RELN: variants seen among roughly 807,000 people sequenced by gnomAD.
The protein encoded by RELN is reelin.
A neutral mutation model predicts 427.6 loss-of-function variants in RELN; 108 were observed. That is an observed-to-expected ratio of 0.25 (90% CI 0.22 to 0.30). The LOEUF (loss-of-function observed/expected upper bound fraction) is 0.30. RELN is among the 10% of genes least tolerant of loss of function. RELN has a pLI of 1.00. For synonymous variants in RELN, 1,524 were observed against 1,513.4 expected (o/e 1.01, Z -0.16); for missense variants, 3,715 against 4,302.8 (o/e 0.86, Z 3.82).
intron 47 of RELN, 134 bp downstream of exon 47, chr7:103,523,257 C>T: frequency 2.0e-6 from 2 of 993,028 alleles, no homozygotes; most frequent in Non-Finnish European, 1.6e-6. Context: ...ACAGTTAGCT[C>T]AAGATCATAT....
chr7:103,954,398 G>C (rs555263359), intron 1 of RELN, among the ~76,000 whole-genome samples: 1 of 152,186 alleles, frequency 6.6e-6, no homozygotes. Context: ...AATGGCATGA[G>C]TTTGTGAGGG....
At chr7:103,817,937 CAAA>C (rs71154371) in intron 3 of RELN, among the ~76,000 whole-genome samples, 1 of 36,016 alleles carries the variant, frequency 2.8e-5, no homozygotes, top group Non-Finnish European at 4.4e-5. Context: ...GACTCCATCT[CAAA>C]AAAAAAAAAA....
At chr7:103,827,382 C>T (rs1793169756) in intron 3 of RELN, among the ~76,000 whole-genome samples, 1 of 151,882 alleles carries the variant, frequency 6.6e-6, no homozygotes, top group Non-Finnish European at 1.5e-5. Flanking sequence ...AATAGTTTTG[C>T]CCATTGAATG....
At chr7:103,776,733 T>C in intron 3 of RELN, 106 bp from the exon 4 acceptor site, 1 of 1,152,518 alleles carries the variant, frequency 8.7e-7, no homozygotes, top group South Asian at 1.3e-5. Context: ...ATTGTGTGGA[T>C]ATGATATTTT....
intron 22 of RELN, among the ~76,000 whole-genome samples, chr7:103,608,008 A>G (rs1831858220): frequency 6.6e-6 from 1 of 152,190 alleles, no homozygotes; most frequent in Non-Finnish European, 1.5e-5. Flanking sequence ...TATCTAGCAC[A>G]TTTCCCAAAG....
intron 15 of RELN, among the ~76,000 whole-genome samples, chr7:103,650,716 C>A (rs1037729222): frequency 1.3e-5 from 2 of 152,206 alleles, no homozygotes; most frequent in African/African-American, 4.8e-5. Flanking sequence ...GCCTCAAAAT[C>A]CTGGGCTCAA....
At chr7:103,491,264 T>C (rs369134212) in intron 58 of RELN, among the ~76,000 whole-genome samples, 13 of 152,376 alleles carry the variant, frequency 8.5e-5, no homozygotes, top group African/African-American at 3.1e-4. Context: ...GAGGTGACTC[T>C]GGCTGATGCA....
At chr7:103,928,605 G>A (rs753911252) in intron 1 of RELN, among the ~76,000 whole-genome samples, 4 of 152,174 alleles carry the variant, frequency 2.6e-5, no homozygotes, top group Non-Finnish European at 5.9e-5. Flanking sequence ...GAATTGAATT[G>A]AGGCTACATT....
Position 103,650,351 on chromosome 7 carries a change from G to C in RELN, c.1925C>G (p.Ala642Gly), listed in dbSNP as rs760277751. The change falls in exon 16 of 65, where the codon GCA becomes GGA. Residue 642 changes from alanine (A) to glycine (G), a missense_variant. This residue lies in a region of RELN where 2,208 missense variants were observed against 2,361.7 expected (regional missense o/e 0.93). Coordinates refer to ENST00000428762, the MANE Select transcript of RELN (RefSeq NM_005045.4). The stretch of plus-strand genomic sequence containing the variant: ...AATCCTGGTGTTCCGGGTTAGTGCT[G>C]CGTTAGGAAGGGGAATTGTTATTCG... ...WNRITIPLPN[A>G]ALTRNTRIRW... The C allele has an allele frequency of 1.2e-6, 2 of 1,612,730 alleles. No homozygotes were observed. The highest frequency in any genetic ancestry group is 1.1e-5 in the South Asian group (1 of 91,072).
At chr7:103,688,334 C>A (rs776006461) in intron 10 of RELN, among the ~76,000 whole-genome samples, 2 of 152,046 alleles carry the variant, frequency 1.3e-5, no homozygotes, top group Non-Finnish European at 2.9e-5. Flanking sequence ...TAATGCAAAG[C>A]ACATTTCTGA....
Position 103,954,082 on chromosome 7 carries a change from T to C in RELN, c.226+35049A>G, listed in dbSNP as rs559303785. ...CTGGCCAACAGAGCAAAACCCTGTCTCTACTAAAAATAAAATTAAAAAAAA... is the reference window on the plus strand; with the variant it reads ...CTGGCCAACAGAGCAAAACCCTGTCCCTACTAAAAATAAAATTAAAAAAAA... On this transcript the variant is annotated intron_variant, in intron 1 of 64. Transcript: ENST00000428762. Among the ~76,000 whole-genome samples the C allele has an allele frequency of 1.5e-4, 23 of 151,588 alleles. No individual in the cohort carries two copies. The East Asian group carries it at 4.5e-3, about 30-fold the overall frequency.
rs147530905 is a variant in RELN, at chr7:103,574,751, G to A, written c.4304-452C>T. ...ACAACATATGTTTGTCTTTGGTCAC[G>A]TGCCAGATGAAGGCTGGGATACTGA... On this transcript the variant is annotated intron_variant, in intron 29 of 64. Transcript: ENST00000428762. 7.3e-3 allele frequency among the ~76,000 whole-genome samples: 1,104 copies of A among 152,230 alleles called. 8 individuals are homozygous for A. The highest frequency in any genetic ancestry group is 0.011 in the Non-Finnish European group (742 of 68,024).
chr7:103,722,604 T>C (rs1790105397), intron 8 of RELN, among the ~76,000 whole-genome samples: 1 of 152,056 alleles, frequency 6.6e-6, no homozygotes. Flanking sequence ...TTTTACTGAA[T>C]GCTTTGGGTA....
chr7:103,780,419 T>A (rs995677672), intron 3 of RELN, among the ~76,000 whole-genome samples: 1 of 152,234 alleles, frequency 6.6e-6, no homozygotes, highest in African/African-American at 2.4e-5. Flanking sequence ...TTATTTTAAG[T>A]TCTGGGGTAC....
chr7:103,845,870 A>C (rs1793661167), intron 2 of RELN, among the ~76,000 whole-genome samples: 1 of 151,964 alleles, frequency 6.6e-6, no homozygotes, highest in Admixed American at 6.6e-5. Context: ...AAAATAAGAG[A>C]GGACACAAAC....
At chr7:103,886,574 T>C (rs1794730217) in intron 2 of RELN, among the ~76,000 whole-genome samples, 1 of 152,174 alleles carries the variant, frequency 6.6e-6, no homozygotes, top group Admixed American at 6.5e-5. Flanking sequence ...ATGAAAGTCA[T>C]CTTGATATTC....
chr7:103,781,777 T>C (rs980076089), intron 3 of RELN, among the ~76,000 whole-genome samples: 1 of 151,998 alleles, frequency 6.6e-6, no homozygotes, highest in Admixed American at 6.6e-5. Flanking sequence ...TATTTTAAAA[T>C]AAGAATACAG....
chr7:103,784,583 A>G (rs1334853417), intron 3 of RELN, among the ~76,000 whole-genome samples: 1 of 152,178 alleles, frequency 6.6e-6, no homozygotes, highest in Non-Finnish European at 1.5e-5. Context: ...ATCCTTGATT[A>G]TGAATAACGG....
At position 103,522,065 on chromosome 7, in the gene RELN, A is replaced by G. The variant is rs955467106; in HGVS notation, c.7625T>C (p.Val2542Ala). 5 of 1,613,912 alleles carry G rather than the reference A, an allele frequency of 3.1e-6. No individual in the cohort carries two copies. The African/African-American group carries it at 6.7e-5, about 22-fold the overall frequency. ...CATTCCCGACGCCACGGCTCCACACACTGTACTCAATTTCCCTCCGTTCAC... is the reference window on the plus strand; with the variant it reads ...CATTCCCGACGCCACGGCTCCACACGCTGTACTCAATTTCCCTCCGTTCAC... ...LTVNGGKLST[V>A]CGAVASGMAL... Residue 2542 changes from valine (V) to alanine (A), a missense_variant, in exon 48 of 65, where the codon GTG (valine) becomes GCG (alanine). Around this residue, in one of 4 missense-constraint regions of RELN, gnomAD observed 1,310 missense variants for 1,643.0 expected, o/e 0.80. Coordinates refer to ENST00000428762, the MANE Select transcript of RELN (RefSeq NM_005045.4).
Sources: allele counts gnomAD v4.1 joint callset (sites outside exome capture counted in the v4.1 genomes callset), GRCh38; gene constraint gnomAD v4.1.1; regional missense constraint gnomAD v4.1.1; transcripts MANE v1.5; gene names NCBI Gene and HGNC (gene_info 2026-07-23, HGNC 2026-07-21).